Variants in GRIN2A observed in about 807,000 individuals in gnomAD.
GRIN2A encodes glutamate receptor ionotropic, NMDA 2A.
A neutral mutation model predicts 113.4 loss-of-function variants in GRIN2A; 22 were observed. The observed-to-expected ratio is 0.19, with a 90% CI of 0.14 to 0.28. The LOEUF is 0.28. GRIN2A is among the 10% of genes least tolerant of loss of function. GRIN2A has a pLI of 1.00. For missense variants in GRIN2A, 1,502 were observed against 1,887.0 expected (o/e 0.80, Z 3.78); for synonymous variants, 827 against 738.4 (o/e 1.12, Z -1.94).
chr16:10,032,666 C>T (rs1452989758), intron 2 of GRIN2A, among the ~76,000 whole-genome samples: 2 of 152,156 alleles, frequency 1.3e-5, no homozygotes, highest in Admixed American at 6.5e-5. Context: ...AGGCACACCC[C>T]TAGAAAGTGG....
intron 2 of GRIN2A, among the ~76,000 whole-genome samples, chr16:10,103,147 G>T (rs1008701155): frequency 6.6e-6 from 1 of 151,350 alleles, no homozygotes; most frequent in Non-Finnish European, 1.5e-5. Flanking sequence ...ACTATCAGCA[G>T]CAACAGCAAC....
intron 2 of GRIN2A, among the ~76,000 whole-genome samples, chr16:9,995,914 T>G (rs1031375397): frequency 6.9e-6 from 1 of 144,674 alleles, no homozygotes; most frequent in Non-Finnish European, 1.5e-5. Context: ...GGTAGAGAAA[T>G]AAACTAGGAG....
intron 2 of GRIN2A, among the ~76,000 whole-genome samples, chr16:9,975,936 G>A (rs6497599): frequency 0.5 from 75,725 of 151,940 alleles, 19,257 homozygotes; most frequent in Middle Eastern, 0.56. Flanking sequence ...AATGAGAAAA[G>A]GGTCAATTCA....
At chr16:9,823,275 C>G (rs987537996) in intron 9 of GRIN2A, among the ~76,000 whole-genome samples, 3 of 152,126 alleles carry the variant, frequency 2.0e-5, no homozygotes, top group African/African-American at 7.2e-5. Flanking sequence ...TGGTGGCGGG[C>G]TGTGGTTATA....
At chr16:9,864,454 GA>G (rs2043127344) in intron 4 of GRIN2A, among the ~76,000 whole-genome samples, 1 of 151,874 alleles carries the variant, frequency 6.6e-6, no homozygotes, top group African/African-American at 2.4e-5. Context: ...TGAAAACCTT[GA>G]AAAGTGGTAA....
At chr16:9,951,463 T>C (rs1185916090) in intron 2 of GRIN2A, among the ~76,000 whole-genome samples, 1 of 152,220 alleles carries the variant, frequency 6.6e-6, no homozygotes, top group Non-Finnish European at 1.5e-5. Flanking sequence ...TTTGTGTATG[T>C]GCGCACAGGC....
At chr16:10,143,271 C>T (rs1250265052) in intron 2 of GRIN2A, among the ~76,000 whole-genome samples, 1 of 152,134 alleles carries the variant, frequency 6.6e-6, no homozygotes, top group Non-Finnish European at 1.5e-5. Flanking sequence ...TAAGGGCCTC[C>T]TTAACGTGGT....
intron 11 of GRIN2A, among the ~76,000 whole-genome samples, chr16:9,773,852 T>C (rs1901438582): frequency 6.6e-6 from 1 of 152,192 alleles, no homozygotes; most frequent in Non-Finnish European, 1.5e-5. Context: ...AGGAGCAAGG[T>C]GTCAAGGTCA....
chr16:10,118,115 G>A (rs2048763268), intron 2 of GRIN2A, among the ~76,000 whole-genome samples: 1 of 152,176 alleles, frequency 6.6e-6, no homozygotes, highest in Non-Finnish European at 1.5e-5. Flanking sequence ...TGTTATCTTT[G>A]CCATCACTTA....
intron 2 of GRIN2A, among the ~76,000 whole-genome samples, chr16:10,124,736 C>G (rs746177943): frequency 6.6e-6 from 1 of 152,094 alleles, no homozygotes; most frequent in Non-Finnish European, 1.5e-5. Context: ...CAAGACAGAG[C>G]AGAGGCCCCA....
intron 2 of GRIN2A, among the ~76,000 whole-genome samples, chr16:10,080,303 T>C (rs1210048845): frequency 6.6e-6 from 1 of 152,202 alleles, no homozygotes; most frequent in East Asian, 1.9e-4. Context: ...ACCTTATCTT[T>C]AAGCCACCAA....
intron 2 of GRIN2A, among the ~76,000 whole-genome samples, chr16:10,104,693 A>C (rs1252301149): frequency 6.6e-6 from 1 of 152,162 alleles, no homozygotes; most frequent in African/African-American, 2.4e-5. Context: ...CTGATTCCCT[A>C]GGCAAAAAGT....
chr16:9,871,888 G>A (rs1024178359), intron 4 of GRIN2A, among the ~76,000 whole-genome samples: 26 of 152,276 alleles, frequency 1.7e-4, no homozygotes, highest in African/African-American at 5.8e-4. Flanking sequence ...TGTAGAATTT[G>A]ATTGAAGAAA....
At chr16:10,131,327 T>C (rs2142218688) in intron 2 of GRIN2A, among the ~76,000 whole-genome samples, 1 of 152,266 alleles carries the variant, frequency 6.6e-6, no homozygotes, top group East Asian at 1.9e-4. Context: ...GTCCCCCATG[T>C]CCATGCTTCT....
chr16:9,754,548 T>A lies in GRIN2A; in HGVS notation c.*8601A>T, dbSNP rs947301893. ...CAAGATCACCTGGATTTGGCTCAAA[T>A]TAGAGGCCTGAATCTTTTGTTTTTA... is the stretch of plus-strand genomic sequence containing the variant. On this transcript the variant is annotated 3_prime_UTR_variant, in exon 13 of 13. Coordinates refer to ENST00000330684, the MANE Select transcript of GRIN2A (RefSeq NM_001134407.3). The A allele has an allele frequency of 4.7e-6, 1 of 211,438 alleles. No homozygotes were observed. Among genetic ancestry groups the A allele is most frequent in the Non-Finnish European group, 9.6e-6 (1 of 104,368 alleles). 13.1% of individuals were successfully genotyped at this position (211,438 alleles called of 1,614,324 possible). A position where few individuals can be genotyped will look rare whatever the true frequency, so the allele number is the denominator to read the frequency against.
At chr16:10,096,539 A>AAC (rs59351819) in intron 2 of GRIN2A, among the ~76,000 whole-genome samples, 16,131 of 137,662 alleles carry the variant, frequency 0.12, 976 homozygotes, top group Middle Eastern at 0.22. Context: ...ATTGTGGTAA[A>AAC]ACACACACAC....
At chr16:10,131,316 G>A (rs2049056796) in intron 2 of GRIN2A, among the ~76,000 whole-genome samples, 1 of 152,132 alleles carries the variant, frequency 6.6e-6, no homozygotes, top group African/African-American at 2.4e-5. Context: ...CATGCCTGCA[G>A]GTCCCCCATG....
chr16:9,854,884 C>G lies in GRIN2A; in HGVS notation c.1123-4923G>C, dbSNP rs1016956211. Among the ~76,000 whole-genome samples the G allele has an allele frequency of 1.1e-4, 17 of 152,132 alleles. 1 individual carries two copies. The highest frequency in any genetic ancestry group is 4.1e-4 in the African/African-American group (17 of 41,426). ...ATCAGAGCAAGTGAAATCATACAGT[C>G]CTTGTCAATCACATGCTATTTTTGG... On this transcript the variant is annotated intron_variant, in intron 4 of 12. Coordinates refer to ENST00000330684, the MANE Select transcript of GRIN2A (RefSeq NM_001134407.3).
chr16:10,067,866 C>T (rs977996023), intron 2 of GRIN2A, among the ~76,000 whole-genome samples: 1 of 152,152 alleles, frequency 6.6e-6, no homozygotes, highest in Non-Finnish European at 1.5e-5. Flanking sequence ...TCCACCCCCT[C>T]CACCCCACAG....
Sources: gnomAD v4.1 joint callset for allele counts (sites outside exome capture counted in the v4.1 genomes callset) on GRCh38, gnomAD v4.1.1 for gene constraint, MANE v1.5 for transcripts, NCBI Gene and HGNC (gene_info 2026-07-23, HGNC 2026-07-21) for gene names.